Variants in SGSM1 observed in about 807,000 individuals in gnomAD.
SGSM1 encodes small G protein signaling modulator 1, also known as RUN and TBC1 domain containing 2.
SGSM1 carries 73 observed loss-of-function variants against 133.8 expected under a neutral mutation model. The observed-to-expected ratio is 0.55, with a 90% CI of 0.45 to 0.66. SGSM1 has a LOEUF of 0.66. SGSM1 is among the 30% of genes least tolerant of loss of function. The pLI is 0.00. For missense variants in SGSM1, 1,213 were observed against 1,448.1 expected (o/e 0.84, Z 2.64); for synonymous variants, 563 against 573.0 (o/e 0.98, Z 0.25).
intron 2 of SGSM1, 53 bp downstream of exon 2, chr22:24,806,537 A>G (rs917138746): frequency 3.4e-6 from 5 of 1,487,566 alleles, no homozygotes; most frequent in African/African-American, 2.9e-5. Flanking sequence ...GCAGCGGCCA[A>G]ACGGGAAAAG....
chr22:24,863,404 G>A (rs1015652631), intron 9 of SGSM1, among the ~76,000 whole-genome samples: 2 of 152,056 alleles, frequency 1.3e-5, no homozygotes, highest in African/African-American at 4.8e-5. Context: ...TGATCCACCC[G>A]CCTCCGCCTC....
At chr22:24,885,558 C>G (rs1043363542) in intron 15 of SGSM1, among the ~76,000 whole-genome samples, 2 of 151,582 alleles carry the variant, frequency 1.3e-5, no homozygotes, top group Admixed American at 6.6e-5. Context: ...TCTGCTTCAG[C>G]CTCCCAAGTA....
intron 17 of SGSM1, among the ~76,000 whole-genome samples, chr22:24,894,868 G>C (rs1932878070): frequency 6.6e-6 from 1 of 151,738 alleles, no homozygotes; most frequent in South Asian, 2.1e-4. Context: ...CATGTATACA[G>C]GGATCATGGG....
At position 24,918,006 on chromosome 22, in the gene SGSM1, A is replaced by C. The variant is rs150744546; in HGVS notation, c.3025+252A>C. On this transcript the variant is annotated intron_variant, in intron 23 of 24. Coordinates refer to ENST00000400358, the MANE Select transcript of SGSM1 (RefSeq NM_001098497.3). ...AGAAGGGTTAAGTTCAGAGCTAGGG[A>C]GAGTTAACTTCAGGGCTAGGGTGAG... is the stretch of plus-strand genomic sequence containing the variant. Among the ~76,000 whole-genome samples, 834 of 152,238 alleles carry C rather than the reference A, an allele frequency of 5.5e-3. 9 individuals are homozygous for C. Among genetic ancestry groups the C allele is most frequent in the African/African-American group, 0.018 (752 of 41,540 alleles).
At chr22:24,841,554 G>A (rs1242818107) in intron 2 of SGSM1, among the ~76,000 whole-genome samples, 1 of 152,092 alleles carries the variant, frequency 6.6e-6, no homozygotes, top group Non-Finnish European at 1.5e-5. Flanking sequence ...ACCTTTTAAC[G>A]AGATCCTTCT....
rs778929697 is a variant in SGSM1 at position 24,809,898 on chromosome 22, G to A, written c.63+3414G>A. ...CATGTGCAGGGGCCCAGGATATGAC[G>A]TTTCAGAAGACAGGTGCAAGATGAG... On this transcript the variant is annotated intron_variant, in intron 2 of 24. Transcript: ENST00000400358. Among the ~76,000 whole-genome samples the A allele has an allele frequency of 3.6e-4, 55 of 152,194 alleles. 2 individuals carry two copies. Among genetic ancestry groups the A allele is most frequent in the Admixed American group, 7.9e-4 (12 of 15,276 alleles).
At chr22:24,849,837 G>A (rs1010808627) in intron 4 of SGSM1, among the ~76,000 whole-genome samples, 3 of 152,152 alleles carry the variant, frequency 2.0e-5, no homozygotes, top group Admixed American at 6.5e-5. Flanking sequence ...GCATCTGCAC[G>A]TATCTCTGTC....
At chr22:24,906,820 G>T (rs558853309) in intron 21 of SGSM1, among the ~76,000 whole-genome samples, 2 of 152,018 alleles carry the variant, frequency 1.3e-5, no homozygotes, top group African/African-American at 2.4e-5. Flanking sequence ...GCGTGGTGGC[G>T]CATGCCTCTA....
At chr22:24,812,756 A>G (rs1358086218) in intron 2 of SGSM1, among the ~76,000 whole-genome samples, 1 of 152,150 alleles carries the variant, frequency 6.6e-6, no homozygotes, top group Non-Finnish European at 1.5e-5. Context: ...CTCTTAGAAG[A>G]AAACTTTCTC....
At chr22:24,817,455 C>T (rs1211672761) in intron 2 of SGSM1, among the ~76,000 whole-genome samples, 8 of 151,888 alleles carry the variant, frequency 5.3e-5, no homozygotes, top group South Asian at 4.2e-4. Context: ...TGGGTTCAAG[C>T]GATTCTCCTG....
chr22:24,850,635 G>A (rs1239147437), intron 5 of SGSM1, among the ~76,000 whole-genome samples: 1 of 152,206 alleles, frequency 6.6e-6, no homozygotes, highest in African/African-American at 2.4e-5. Flanking sequence ...GGAGTATAGG[G>A]ATCCTGGGTT....
intron 21 of SGSM1, among the ~76,000 whole-genome samples, chr22:24,908,854 A>T (rs1933511090): frequency 6.6e-6 from 1 of 152,150 alleles, no homozygotes; most frequent in South Asian, 2.1e-4. Context: ...GAGGGATTTG[A>T]ATAGACATTT....
intron 9 of SGSM1, among the ~76,000 whole-genome samples, chr22:24,862,571 G>A (rs1021420393): frequency 9.9e-5 from 15 of 152,146 alleles, no homozygotes; most frequent in Non-Finnish European, 1.6e-4. Flanking sequence ...TCATCTTTGT[G>A]AAATGAAGCA....
chr22:24,897,593 A>G (rs1446408221), intron 18 of SGSM1, among the ~76,000 whole-genome samples: 1 of 151,936 alleles, frequency 6.6e-6, no homozygotes, highest in African/African-American at 2.4e-5. Context: ...TCAGCCCCTC[A>G]AGTAGCTGAG....
intron 21 of SGSM1, among the ~76,000 whole-genome samples, chr22:24,906,319 C>T (rs1933378823): frequency 6.6e-6 from 1 of 152,186 alleles, no homozygotes; most frequent in Non-Finnish European, 1.5e-5. Context: ...TGGTGAAAAA[C>T]TGAACACTTC....
intron 21 of SGSM1, among the ~76,000 whole-genome samples, chr22:24,906,542 A>T (rs1224756897): frequency 6.6e-6 from 1 of 152,274 alleles, no homozygotes; most frequent in East Asian, 1.9e-4. Context: ...AGGATATAAG[A>T]TCAATAAACA....
At position 24,810,016 on chromosome 22, in the gene SGSM1, G is replaced by T. The variant is rs142920873; in HGVS notation, c.63+3532G>T. Among the ~76,000 whole-genome samples the T allele has an allele frequency of 1.0e-3, 152 of 152,270 alleles. 1 individual carries two copies. In the East Asian group the frequency reaches 0.014, roughly 14 times the overall value. On this transcript the variant is annotated intron_variant, in intron 2 of 24. Transcript: ENST00000400358. ...TGTACATGCAGAAGCTTTGTGGCTG[G>T]AGGGAACACTGTGAATTTGAAGGAA...
intron 15 of SGSM1, among the ~76,000 whole-genome samples, chr22:24,885,091 G>GGCAAGCGCCACCA (rs139717): frequency 2.0e-5 from 3 of 151,822 alleles, no homozygotes; most frequent in Non-Finnish European, 1.5e-5. Context: ...TGGGATTACA[G>GGCAAGCGCCACCA]TGCCTGGCCA....
intron 2 of SGSM1, among the ~76,000 whole-genome samples, chr22:24,831,244 G>A (rs757976125): frequency 2.6e-5 from 4 of 151,800 alleles, no homozygotes; most frequent in Non-Finnish European, 5.9e-5. Flanking sequence ...GTGGAGCGAA[G>A]CAAGCAGGAG....
Sources: allele counts gnomAD v4.1 joint callset (sites outside exome capture counted in the v4.1 genomes callset), GRCh38; gene constraint gnomAD v4.1.1; transcripts MANE v1.5; gene names NCBI Gene and HGNC (gene_info 2026-07-23, HGNC 2026-07-21).